GATAD1: variants seen among roughly 807,000 people sequenced by gnomAD.
The protein encoded by GATAD1 is GATA zinc finger domain-containing protein 1.
Under a neutral mutation model 26.5 loss-of-function variants are expected in GATAD1, and 12 were observed. The ratio of observed to expected loss-of-function variants is 0.45; its 90% CI spans 0.29 to 0.73. The LOEUF (loss-of-function observed/expected upper bound fraction) is 0.73. GATAD1 is among the 30% of genes least tolerant of loss of function. GATAD1 has a pLI of 0.10. For missense variants in GATAD1, 266 were observed against 342.1 expected, an observed-to-expected ratio of 0.78 and a Z score of 1.75; for synonymous variants, 129 against 133.1, an observed-to-expected ratio of 0.97 and a Z score of 0.21.
the GATAD1 span, chr7:92,470,369 A>G: frequency 1.4e-6 from 1 of 707,752 alleles, no homozygotes; most frequent in South Asian, 1.6e-5. Context: ...AAAATATGAT[A>G]AGGGAGGGCC....
downstream of GATAD1, among the ~76,000 whole-genome samples, chr7:92,462,369 A>G (rs886401095): frequency 5.8e-5 from 7 of 120,522 alleles, no homozygotes; most frequent in Non-Finnish European, 1.2e-4. Flanking sequence ...CTGATTTTGT[A>G]AAAAAAAAAA....
downstream of GATAD1, among the ~76,000 whole-genome samples, chr7:92,463,347 A>G (rs1216765622): frequency 6.6e-6 from 1 of 152,144 alleles, no homozygotes; most frequent in Non-Finnish European, 1.5e-5. Context: ...ACTAAATTGT[A>G]CACTTAAAAA....
the GATAD1 span, among the ~76,000 whole-genome samples, chr7:92,481,623 A>G: frequency 1.3e-5 from 2 of 152,174 alleles, no homozygotes; most frequent in African/African-American, 4.8e-5. Context: ...GTGTGTAATG[A>G]AAAGGGTTGG....
rs1789847548 is a variant in GATAD1 at position 92,459,723 on chromosome 7, C to T, written c.*3161C>T. 6.6e-6 allele frequency among the ~76,000 whole-genome samples: 1 copy of T among 152,218 alleles called. No homozygotes were observed. Among genetic ancestry groups the T allele is most frequent in the African/African-American group, 2.4e-5 (1 of 41,452 alleles). On this transcript the variant is annotated 3_prime_UTR_variant, in exon 5 of 5. Transcript: ENST00000287957. ...TTTAAGTTTCTACTTCCATCATCCT[C>T]ACTCCTATCCCTTTGGTCCTGGGAT...
At chr7:92,455,409 C>G (rs1380023905) in intron 4 of GATAD1, among the ~76,000 whole-genome samples, 1 of 152,134 alleles carries the variant, frequency 6.6e-6, no homozygotes, top group Non-Finnish European at 1.5e-5. Context: ...TCCCAGTTAT[C>G]CCATACTTGC....
In GATAD1 at chr7:92,447,509, C is replaced by A; in HGVS notation, c.-221C>A. ...TTCCCAGTCCTGCTTCCCAGTGCCT[C>A]GGGCCAGGGAATCCTGGCCTCCGCC... On this transcript the variant is annotated 5_prime_UTR_variant, in exon 1 of 5. Coordinates refer to ENST00000287957, the MANE Select transcript of GATAD1 (RefSeq NM_021167.5). 1 of 401,674 alleles carries A rather than the reference C, an allele frequency of 2.5e-6. No homozygotes were observed. The highest frequency in any genetic ancestry group is 5.0e-5 in the East Asian group (1 of 20,110). The allele number at this position is 401,674 out of a possible 1,614,324, so 24.9% of individuals were successfully genotyped here.
At chr7:92,478,315 G>T in the GATAD1 span, among the ~76,000 whole-genome samples, 1 of 152,210 alleles carries the variant, frequency 6.6e-6, no homozygotes, top group Non-Finnish European at 1.5e-5. Context: ...AATGACTGCA[G>T]TGAAGATCAT....
At chr7:92,448,622 A>G in intron 1 of GATAD1, 130 bp from the exon 2 acceptor site, 2 of 736,832 alleles carry the variant, frequency 2.7e-6, no homozygotes, top group Admixed American at 2.3e-5. Context: ...GAAAAGCAAA[A>G]GGGCAATCTT....
rs1789716512 is a variant in GATAD1 at position 92,457,187 on chromosome 7, G to A, written c.*625G>A. 1 of 150,474 alleles carries A rather than the reference G, an allele frequency of 6.6e-6. No individual in the cohort carries two copies. The highest frequency in any genetic ancestry group is 6.7e-5 in the Admixed American group (1 of 15,000). 9.3% of individuals were successfully genotyped at this position (150,474 alleles called of 1,614,324 possible). A position where few individuals can be genotyped will look rare whatever the true frequency, so the allele number is the denominator to read the frequency against. ...AAAAAAAAAAAAAAAAAAAAGGCTG[G>A]GCACAGTGGCTCACGCCTTTAATCC... is the stretch of plus-strand genomic sequence containing the variant. On this transcript the variant is annotated 3_prime_UTR_variant, in exon 5 of 5. Transcript: ENST00000287957.
rs1045136823 is a variant in GATAD1, at chr7:92,447,591, C to G, written c.-139C>G. ...CACGGGGCAGCGCCAGCGGCCTGGT[C>G]CTTTCACCGGCAGCTCCGTGCCGAC... On this transcript the variant is annotated 5_prime_UTR_variant, in exon 1 of 5. Transcript: ENST00000287957. 2 of 1,164,828 alleles carry G rather than the reference C, an allele frequency of 1.7e-6. No individual in the cohort carries two copies. The highest frequency in any genetic ancestry group is 2.2e-6 in the Non-Finnish European group (2 of 904,158). The allele number at this position is 1,164,828 out of a possible 1,614,324, so 72.2% of individuals were successfully genotyped here. A position where few individuals can be genotyped will look rare whatever the true frequency, so the allele number is the denominator to read the frequency against.
chr7:92,456,263 C>CCTTG, intron 4 of GATAD1, 109 bp from the exon 5 acceptor site: 1 of 589,880 alleles, frequency 1.7e-6, no homozygotes, highest in East Asian at 2.8e-5. Context: ...GGGCTAATGC[C>CCTTG]AGGTTGCTCC....
chr7:92,471,398 T>C, the GATAD1 span: 1 of 152,642 alleles, frequency 6.6e-6, no homozygotes, highest in Non-Finnish European at 1.5e-5. Flanking sequence ...GGCCATCTGA[T>C]GGGTGCTATC....
the GATAD1 span, chr7:92,470,830 G>T: frequency 5.9e-6 from 1 of 168,576 alleles, no homozygotes; most frequent in Non-Finnish European, 1.4e-5. Flanking sequence ...TATGGGCTAA[G>T]TCCTGCTTTT....
the GATAD1 span, chr7:92,469,794 T>C: frequency 1.4e-5 from 11 of 765,830 alleles, no homozygotes; most frequent in South Asian, 5.4e-5. Context: ...TTGAAACATA[T>C]GGCCTGAAGT....
chr7:92,486,754 T>A, the GATAD1 span, among the ~76,000 whole-genome samples: 1 of 137,622 alleles, frequency 7.3e-6, no homozygotes, highest in Admixed American at 7.1e-5. Flanking sequence ...GCTGTTCCCT[T>A]ACCCCATTAC....
rs1789804589 is a variant in GATAD1, at chr7:92,458,906, A to G, written c.*2344A>G. On this transcript the variant is annotated 3_prime_UTR_variant, in exon 5 of 5. Coordinates refer to ENST00000287957, the MANE Select transcript of GATAD1 (RefSeq NM_021167.5). ...CTCTTTAACCAAAAATGGTATTTAA[A>G]ACCAAAACAGTATCGTACTTAGAAT... is the stretch of plus-strand genomic sequence containing the variant. The G allele has an allele frequency of 6.6e-6, 1 of 152,228 alleles. No individual in the cohort carries two copies. Among genetic ancestry groups the G allele is most frequent in the Non-Finnish European group, 1.5e-5 (1 of 68,044 alleles). The allele number at this position is 152,228 out of a possible 1,614,324, so 9.4% of individuals were successfully genotyped here.
intron 3 of GATAD1, among the ~76,000 whole-genome samples, chr7:92,453,171 C>T (rs1334835790): frequency 6.6e-6 from 1 of 152,208 alleles, no homozygotes; most frequent in Admixed American, 6.5e-5. Context: ...GGAAGTATTT[C>T]CTCAAAAGTG....
At chr7:92,494,697 A>G in the GATAD1 span, 58 of 1,197,106 alleles carry the variant, frequency 4.8e-5, no homozygotes, top group Non-Finnish European at 6.4e-5. Flanking sequence ...TTTCATATAC[A>G]TATATGAATG....
chr7:92,473,554 C>CTA, the GATAD1 span, among the ~76,000 whole-genome samples: 1 of 152,156 alleles, frequency 6.6e-6, no homozygotes, highest in Non-Finnish European at 1.5e-5. Context: ...GTTCCTTCTC[C>CTA]TATGTTCAGG....
Sources: gnomAD v4.1 joint callset for allele counts (sites outside exome capture counted in the v4.1 genomes callset) on GRCh38, gnomAD v4.1.1 for gene constraint, MANE v1.5 for transcripts, NCBI Gene and HGNC (gene_info 2026-07-23, HGNC 2026-07-21) for gene names.